The following CACNA2D3 variants were observed in gnomAD, a reference collection of about 807,000 sequenced individuals.
The protein encoded by CACNA2D3 is voltage-dependent calcium channel subunit alpha-2/delta-3.
CACNA2D3 carries 60 observed loss-of-function variants against 160.6 expected under a neutral mutation model. The ratio of observed to expected loss-of-function variants is 0.37; its 90% confidence interval spans 0.30 to 0.46. CACNA2D3 has a LOEUF of 0.46. Ranked by LOEUF, CACNA2D3 falls within the 20% of genes least tolerant of loss-of-function variation. The pLI is 1.00. For synonymous variants in CACNA2D3, 558 were observed against 492.9 expected (o/e 1.13, Z -1.75); for missense variants, 1,205 against 1,365.0 (o/e 0.88, Z 1.85).
intron 3 of CACNA2D3, among the ~76,000 whole-genome samples, chr3:54,345,797 A>G (rs1698446795): frequency 6.6e-6 from 1 of 151,858 alleles, no homozygotes; most frequent in Non-Finnish European, 1.5e-5. Flanking sequence ...GCAATCTTAG[A>G]TAGGACATGA....
intron 2 of CACNA2D3, among the ~76,000 whole-genome samples, chr3:54,312,602 C>G (rs1703766373): frequency 6.6e-6 from 1 of 152,312 alleles, no homozygotes; most frequent in East Asian, 1.9e-4. Flanking sequence ...GTACTTTTCT[C>G]TTCGTGGTGT....
chr3:54,152,671 C>T (rs148728353), intron 2 of CACNA2D3, among the ~76,000 whole-genome samples: 9 of 152,276 alleles, frequency 5.9e-5, no homozygotes, highest in African/African-American at 2.2e-4. Context: ...CCTGTCTTCC[C>T]TTCTTAATGT....
chr3:54,393,643 G>T (rs545911137), intron 4 of CACNA2D3, among the ~76,000 whole-genome samples: 2 of 152,222 alleles, frequency 1.3e-5, no homozygotes, highest in African/African-American at 4.8e-5. Flanking sequence ...TTGGTGCCTT[G>T]TCTGCCCAGA....
Position 54,932,399 on chromosome 3 carries a change from A to C in CACNA2D3, c.2449+32531A>C, listed in dbSNP as rs530290625. Among the ~76,000 whole-genome samples the C allele has an allele frequency of 3.3e-5, 5 of 152,172 alleles. No individual in the cohort carries two copies. The South Asian group carries it at 1.0e-3, about 32-fold the overall frequency. On this transcript the variant is annotated intron_variant, in intron 27 of 37. Transcript: ENST00000474759. ...GAATAAGTGGGAAAGGTCAGTCACC[A>C]AACTGATAATGCTGATTACTTGGAG...
Position 54,321,319 on chromosome 3 carries a change from CAA to C in CACNA2D3, c.321+774_321+775del, listed in dbSNP as rs11288559. The stretch of plus-strand genomic sequence containing the variant: ...TGGGTGACAGCGTGAGACTCCGGCT[CAA>C]AAAAAAAAAAAAGTTTTTAAGAGAT... On this transcript the variant is annotated intron_variant, in intron 3 of 37. Coordinates refer to ENST00000474759, the MANE Select transcript of CACNA2D3 (RefSeq NM_018398.3). Among the ~76,000 whole-genome samples the C allele has an allele frequency of 1.5e-3, 211 of 140,578 alleles. 1 individual carries two copies. In the East Asian group the frequency reaches 0.024, roughly 16 times the overall value. 92.2% of individuals were successfully genotyped at this position (140,578 alleles called of 152,430 possible).
At chr3:54,938,171 C>T (rs1701376761) in intron 27 of CACNA2D3, among the ~76,000 whole-genome samples, 1 of 152,208 alleles carries the variant, frequency 6.6e-6, no homozygotes, top group African/African-American at 2.4e-5. Flanking sequence ...CACATCAGTG[C>T]CTGGGTCCAG....
chr3:54,146,595 G>GT (rs200467819), intron 2 of CACNA2D3, among the ~76,000 whole-genome samples: 2 of 136,570 alleles, frequency 1.5e-5, no homozygotes, highest in Non-Finnish European at 1.6e-5. Flanking sequence ...ATGTGGGGAA[G>GT]GGGGGCGTGG....
At chr3:54,242,638 C>T (rs1701994048) in intron 2 of CACNA2D3, among the ~76,000 whole-genome samples, 1 of 152,154 alleles carries the variant, frequency 6.6e-6, no homozygotes, top group Non-Finnish European at 1.5e-5. Context: ...GGGTGGGTAG[C>T]ATATATGGTG....
chr3:54,761,990 G>C (rs1479175420), intron 12 of CACNA2D3, among the ~76,000 whole-genome samples: 1 of 152,202 alleles, frequency 6.6e-6, no homozygotes, highest in East Asian at 1.9e-4. Flanking sequence ...CTAGTGCTGT[G>C]ATGGAGCTGG....
intron 2 of CACNA2D3, among the ~76,000 whole-genome samples, chr3:54,186,528 C>T (rs1365261258): frequency 6.6e-6 from 1 of 152,108 alleles, no homozygotes; most frequent in Non-Finnish European, 1.5e-5. Context: ...TTTTCTCCTT[C>T]TTTCTTTACT....
chr3:54,161,123 G>A (rs1461227122), intron 2 of CACNA2D3, among the ~76,000 whole-genome samples: 1 of 152,158 alleles, frequency 6.6e-6, no homozygotes, highest in Non-Finnish European at 1.5e-5. Context: ...ATGCCATGTT[G>A]AAATTATTCC....
At chr3:54,627,955 G>A (rs1699158510) in intron 10 of CACNA2D3, 79 bp downstream of exon 10, 2 of 977,602 alleles carry the variant, frequency 2.0e-6, no homozygotes, top group Admixed American at 2.0e-5. Flanking sequence ...GGGCCAGGCT[G>A]GGCGCTGTGG....
chr3:54,919,367 G>A (rs915134911), intron 27 of CACNA2D3, among the ~76,000 whole-genome samples: 2 of 152,208 alleles, frequency 1.3e-5, no homozygotes, highest in Admixed American at 1.3e-4. Context: ...AAGATCCTGT[G>A]TGTCTCAACA....
rs75889428 is a variant in CACNA2D3 at position 54,292,654 on chromosome 3, C to G, written c.205-27788C>G. Among the ~76,000 whole-genome samples the G allele has an allele frequency of 3.9e-3, 592 of 152,252 alleles. 15 individuals are homozygous for G. In the East Asian group the frequency reaches 0.064, roughly 16 times the overall value. ...CAACACTTCACATCCACTAGGATGACTATAACCAAAAAGTCAGATACTAAG... is the reference window on the plus strand; with the variant it reads ...CAACACTTCACATCCACTAGGATGAGTATAACCAAAAAGTCAGATACTAAG... On this transcript the variant is annotated intron_variant, in intron 2 of 37. Coordinates refer to ENST00000474759, the MANE Select transcript of CACNA2D3 (RefSeq NM_018398.3).
intron 2 of CACNA2D3, among the ~76,000 whole-genome samples, chr3:54,258,686 A>G (rs1394899999): frequency 6.6e-6 from 1 of 151,810 alleles, no homozygotes; most frequent in Non-Finnish European, 1.5e-5. Flanking sequence ...GATCCAACAT[A>G]AAATACATAG....
intron 3 of CACNA2D3, among the ~76,000 whole-genome samples, chr3:54,359,648 G>C (rs2107540129): frequency 6.6e-6 from 1 of 152,308 alleles, no homozygotes; most frequent in African/African-American, 2.4e-5. Flanking sequence ...TTTGAGAAGT[G>C]ATTCTTGCTC....
intron 4 of CACNA2D3, among the ~76,000 whole-genome samples, chr3:54,448,494 G>A (rs1700257104): frequency 6.6e-6 from 1 of 152,178 alleles, no homozygotes; most frequent in Non-Finnish European, 1.5e-5. Context: ...TCCCCCAAAC[G>A]AAAGTAGGAG....
chr3:54,488,632 T>G (rs2053862), intron 4 of CACNA2D3, among the ~76,000 whole-genome samples: 46,891 of 151,878 alleles, frequency 0.31, 7,640 homozygotes, highest in East Asian at 0.43. Context: ...GGTAGGACAT[T>G]GCTGAGGTGG....
intron 8 of CACNA2D3, among the ~76,000 whole-genome samples, chr3:54,575,498 C>T (rs564893600): frequency 8.5e-5 from 13 of 152,098 alleles, no homozygotes; most frequent in South Asian, 2.1e-4. Flanking sequence ...TTTGTTCTAT[C>T]GATTCATTCA....
Sources: gnomAD v4.1 joint callset for allele counts (sites outside exome capture counted in the v4.1 genomes callset) on GRCh38, gnomAD v4.1.1 for gene constraint, MANE v1.5 for transcripts, NCBI Gene and HGNC (gene_info 2026-07-23, HGNC 2026-07-21) for gene names.